Variants in HECW2 observed in about 807,000 individuals in gnomAD.
HECW2 encodes E3 ubiquitin-protein ligase HECW2.
A neutral mutation model predicts 175.2 loss-of-function variants in HECW2; 61 were observed. The observed-to-expected ratio is 0.35, with a 90% CI of 0.28 to 0.43. The LOEUF (loss-of-function observed/expected upper bound fraction) is 0.43, where lower values mean the gene tolerates loss of function less well. Among genes scored for constraint, HECW2 ranks in the 20% least tolerant of loss-of-function variants. The pLI is 1.00. For missense variants in HECW2, 1,524 were observed against 2,000.5 expected, an observed-to-expected ratio of 0.76 and a Z score of 4.54; for synonymous variants, 671 against 731.0, an observed-to-expected ratio of 0.92 and a Z score of 1.32.
intron 2 of HECW2, among the ~76,000 whole-genome samples, chr2:196,383,949 T>C (rs994318218): frequency 1.3e-5 from 2 of 152,200 alleles, no homozygotes; most frequent in African/African-American, 4.8e-5. Flanking sequence ...CTGTGTCTCA[T>C]ATTACTCATC....
chr2:196,224,779 A>T (rs1687790414), intron 23 of HECW2, among the ~76,000 whole-genome samples: 1 of 152,188 alleles, frequency 6.6e-6, no homozygotes, highest in Non-Finnish European at 1.5e-5. Flanking sequence ...GTTTTTCAGG[A>T]AGCTTAAATG....
intron 19 of HECW2, 51 bp downstream of exon 19, chr2:196,253,869 C>T (rs1688949708): frequency 1.3e-6 from 2 of 1,551,178 alleles, no homozygotes; most frequent in Non-Finnish European, 1.8e-6. Context: ...GAACATCTGG[C>T]TTGAAGGTTC....
At chr2:196,226,437 T>C (rs1283087054) in intron 22 of HECW2, among the ~76,000 whole-genome samples, 1 of 152,190 alleles carries the variant, frequency 6.6e-6, no homozygotes, top group African/African-American at 2.4e-5. Flanking sequence ...TATTTCTTTA[T>C]AGCAATGCAA....
chr2:196,284,402 C>T (rs1341260189), intron 14 of HECW2, among the ~76,000 whole-genome samples: 1 of 152,152 alleles, frequency 6.6e-6, no homozygotes, highest in African/African-American at 2.4e-5. Flanking sequence ...GGAAAAGTCT[C>T]AATTAAGACC....
At chr2:196,280,698 T>C (rs1347729389) in intron 14 of HECW2, among the ~76,000 whole-genome samples, 1 of 152,258 alleles carries the variant, frequency 6.6e-6, no homozygotes, top group African/African-American at 2.4e-5. Flanking sequence ...ATAAAACCTG[T>C]GTGGACTTGC....
chr2:196,310,213 A>G (rs1283945677), intron 10 of HECW2, among the ~76,000 whole-genome samples: 1 of 152,222 alleles, frequency 6.6e-6, no homozygotes, highest in African/African-American at 2.4e-5. Context: ...TTCAATGTGC[A>G]ATGGGGAGAA....
intron 2 of HECW2, among the ~76,000 whole-genome samples, chr2:196,368,574 T>C: frequency 6.6e-6 from 1 of 152,222 alleles, no homozygotes; most frequent in East Asian, 1.9e-4. Flanking sequence ...TTTCTACCAC[T>C]ATCTCTCTCT....
At chr2:196,511,907 T>C (rs2125417053) in intron 1 of HECW2, among the ~76,000 whole-genome samples, 1 of 152,370 alleles carries the variant, frequency 6.6e-6, no homozygotes, top group African/African-American at 2.4e-5. Context: ...GCACCCTTGC[T>C]AACAGGATTT....
intron 1 of HECW2, among the ~76,000 whole-genome samples, chr2:196,580,619 C>G (rs1270692340): frequency 6.7e-6 from 1 of 149,674 alleles, no homozygotes; most frequent in Non-Finnish European, 1.5e-5. Context: ...AAACGAAAAC[C>G]TTAATGAAAC....
At chr2:196,205,574 G>A (rs540943302) in intron 28 of HECW2, among the ~76,000 whole-genome samples, 1 of 152,178 alleles carries the variant, frequency 6.6e-6, no homozygotes, top group African/African-American at 2.4e-5. Context: ...AAATACCAGG[G>A]GATTTTTAGG....
At chr2:196,286,411 T>C (rs1169985458) in intron 14 of HECW2, among the ~76,000 whole-genome samples, 1 of 151,738 alleles carries the variant, frequency 6.6e-6, no homozygotes, top group South Asian at 2.1e-4. Flanking sequence ...TTTAAATCCA[T>C]GCAGGTCATA....
At chr2:196,514,679 C>G (rs999116106) in intron 1 of HECW2, among the ~76,000 whole-genome samples, 2 of 152,176 alleles carry the variant, frequency 1.3e-5, no homozygotes, top group Admixed American at 6.5e-5. Flanking sequence ...ATGGAACAAC[C>G]CCCCTGAGGA....
chr2:196,498,408 C>T (rs1322421826), intron 1 of HECW2, among the ~76,000 whole-genome samples: 3 of 152,234 alleles, frequency 2.0e-5, no homozygotes, highest in East Asian at 3.9e-4. Flanking sequence ...TCATGGTGAA[C>T]ATCTTTATGA....
At chr2:196,369,342 G>GTCTCTCTCTCTCTCTCTCTCTC (rs71410611) in intron 2 of HECW2, among the ~76,000 whole-genome samples, 46 of 131,538 alleles carry the variant, frequency 3.5e-4, no homozygotes, top group East Asian at 1.1e-3. Flanking sequence ...AACAAATGGA[G>GTCTCTCTCTCTCTCTCTCTCTC]TCTCTCTCTC....
intron 1 of HECW2, among the ~76,000 whole-genome samples, chr2:196,483,606 T>C (rs1297859260): frequency 1.2e-4 from 18 of 152,176 alleles, no homozygotes; most frequent in Non-Finnish European, 2.5e-4. Flanking sequence ...ACCTCTAAAG[T>C]ATAAGTCTTA....
rs534410138 is a variant in HECW2 at position 196,574,615 on chromosome 2, C to A, written c.-36+18893G>T. ...AAATGTCCACTCTACACAAAATGAT[C>A]TACAGATTCAATGAAATTCCTATCA... is the stretch of plus-strand genomic sequence containing the variant. On this transcript the variant is annotated intron_variant, in intron 1 of 28. Transcript: ENST00000644978. Among the ~76,000 whole-genome samples the A allele has an allele frequency of 1.1e-4, 16 of 152,196 alleles. No homozygotes were observed. The South Asian group carries it at 3.3e-3, about 32-fold the overall frequency.
At chr2:196,440,222 T>C (rs1695999418) in intron 1 of HECW2, among the ~76,000 whole-genome samples, 1 of 152,176 alleles carries the variant, frequency 6.6e-6, no homozygotes. Flanking sequence ...TTAGTATTAA[T>C]TAAAATTGAC....
intron 19 of HECW2, among the ~76,000 whole-genome samples, chr2:196,246,268 A>G (rs1326304761): frequency 2.0e-5 from 3 of 152,256 alleles, no homozygotes; most frequent in Non-Finnish European, 2.9e-5. Context: ...GCAGACTAGA[A>G]AACCCAGACA....
At chr2:196,331,144 C>T in intron 4 of HECW2, 2 of 985,386 alleles carry the variant, frequency 2.0e-6, no homozygotes, top group South Asian at 4.7e-5. Flanking sequence ...ATCCTGATTG[C>T]TTCACATGTC....
Sources: gnomAD v4.1 joint callset for allele counts (sites outside exome capture counted in the v4.1 genomes callset) on GRCh38, gnomAD v4.1.1 for gene constraint, MANE v1.5 for transcripts, NCBI Gene and HGNC (gene_info 2026-07-23, HGNC 2026-07-21) for gene names.